The following PTBP2 variants were observed in gnomAD, a reference collection of about 807,000 sequenced individuals.
The protein encoded by PTBP2 is polypyrimidine tract-binding protein 2.
Under a neutral mutation model 61.4 loss-of-function variants are expected in PTBP2, and 13 were observed. That is an observed-to-expected ratio of 0.21 (90% CI 0.14 to 0.34). PTBP2 has a LOEUF of 0.34. Among genes scored for constraint, PTBP2 ranks in the 10% least tolerant of loss-of-function variants. PTBP2 has a pLI of 1.00. For synonymous variants in PTBP2, 215 were observed against 218.5 expected, an observed-to-expected ratio of 0.98 and a Z score of 0.14; for missense variants, 405 against 642.6, an observed-to-expected ratio of 0.63 and a Z score of 4.00.
intron 2 of PTBP2, among the ~76,000 whole-genome samples, chr1:96,744,859 C>A (rs1347664530): frequency 6.6e-6 from 1 of 152,030 alleles, no homozygotes; most frequent in Non-Finnish European, 1.5e-5. Flanking sequence ...TTATAACATG[C>A]CCGGTTTTAC....
exon 14 of PTBP2, chr1:96,823,628 A>T (rs1383692728): frequency 1.3e-5 from 2 of 152,198 alleles, no homozygotes; most frequent in Non-Finnish European, 2.9e-5. Flanking sequence ...ACCAACAAAG[A>T]AACAGATTAA....
chr1:96,779,519 C>T (rs1001294357), intron 7 of PTBP2, among the ~76,000 whole-genome samples: 13 of 151,924 alleles, frequency 8.6e-5, no homozygotes, highest in Non-Finnish European at 1.6e-4. Flanking sequence ...CATAAAAGTA[C>T]CTCAATTGTG....
chr1:96,780,394 A>C (rs1435012650), intron 7 of PTBP2, among the ~76,000 whole-genome samples: 3 of 151,832 alleles, frequency 2.0e-5, no homozygotes, highest in Admixed American at 6.6e-5. Flanking sequence ...AGACTTCTTA[A>C]ATAGTCTATC....
intron 3 of PTBP2, among the ~76,000 whole-genome samples, chr1:96,759,790 T>C (rs563520876): frequency 6.6e-6 from 1 of 152,262 alleles, no homozygotes; most frequent in South Asian, 2.1e-4. Flanking sequence ...CATATGACTG[T>C]ATTAGTCCAT....
chr1:96,787,523 T>TA (rs1040530943), intron 8 of PTBP2, among the ~76,000 whole-genome samples: 8 of 151,780 alleles, frequency 5.3e-5, no homozygotes, highest in Admixed American at 4.6e-4. Context: ...TTCTTTTTTT[T>TA]ATCTGTTTTA....
intron 3 of PTBP2, among the ~76,000 whole-genome samples, chr1:96,758,059 A>G (rs941057848): frequency 6.6e-6 from 1 of 152,110 alleles, no homozygotes; most frequent in Non-Finnish European, 1.5e-5. Flanking sequence ...TATGCAGAGT[A>G]TAATAGTATA....
intron 8 of PTBP2, among the ~76,000 whole-genome samples, chr1:96,796,923 CAG>C (rs1039941354): frequency 1.3e-5 from 2 of 151,992 alleles, no homozygotes; most frequent in Admixed American, 6.6e-5. Context: ...CAAAAAGAGA[CAG>C]AGGAAAGAAA....
chr1:96,742,417 CAG>C (rs1473569690), intron 2 of PTBP2, among the ~76,000 whole-genome samples: 3 of 152,114 alleles, frequency 2.0e-5, no homozygotes, highest in Non-Finnish European at 4.4e-5. Flanking sequence ...TCAAATTTCT[CAG>C]AATTGTATAG....
chr1:96,787,390 G>A (rs993417047), intron 8 of PTBP2, among the ~76,000 whole-genome samples: 1 of 152,078 alleles, frequency 6.6e-6, no homozygotes, highest in Non-Finnish European at 1.5e-5. Flanking sequence ...TGCTCGCTTT[G>A]CCAAAAAATT....
At chr1:96,815,228 AATAG>A (rs1662431380), downstream of PTBP2, 1 of 150,174 alleles carries the variant, frequency 6.7e-6, no homozygotes, top group Non-Finnish European at 1.5e-5. Context: ...TTTATGCACT[AATAG>A]ATCTTTTGGA....
At chr1:96,808,700 T>C (rs1468472671) in intron 11 of PTBP2, among the ~76,000 whole-genome samples, 1 of 152,170 alleles carries the variant, frequency 6.6e-6, no homozygotes, top group African/African-American at 2.4e-5. Context: ...TCTGTAGTGG[T>C]AAATAATTCA....
chr1:96,792,027 CGG>C (rs1263210164), intron 8 of PTBP2, among the ~76,000 whole-genome samples: 2 of 151,554 alleles, frequency 1.3e-5, no homozygotes, highest in Non-Finnish European at 2.9e-5. Context: ...TTAGTAGAGA[CGG>C]GGTTTTACTG....
At position 96,777,603 on chromosome 1, in the gene PTBP2, C is replaced by G. The variant is rs1658185194; in HGVS notation, c.451C>G (p.Gln151Glu). Residue 151 changes from glutamine to glutamate, a missense_variant, in exon 6 of 14, where the codon CAA (glutamine) becomes GAA (glutamate). Physicochemically the swap from Gln to Glu is conservative, Grantham distance 29. Around this residue, in one of 4 missense-constraint regions of PTBP2, gnomAD observed 342 missense variants for 491.2 expected, o/e 0.70. Coordinates refer to ENST00000674951, the MANE Select transcript of PTBP2 (RefSeq NM_021190.4). ...TLNQRAQAVL[Q>E]AVTAVQTANT... is the part of the protein sequence containing the mutation. The stretch of plus-strand genomic sequence containing the variant: ...TTTCCAGCGTGCTCAGGCAGTTCTT[C>G]AAGCTGTGACAGCTGTCCAGACAGC... 5 of 1,608,160 alleles carry G rather than the reference C, an allele frequency of 3.1e-6. No homozygotes were observed. Among genetic ancestry groups the G allele is most frequent in the Non-Finnish European group, 4.2e-6 (5 of 1,177,992 alleles).
At chr1:96,739,638 T>C (rs1391750446) in intron 2 of PTBP2, among the ~76,000 whole-genome samples, 3 of 145,844 alleles carry the variant, frequency 2.1e-5, no homozygotes, top group Non-Finnish European at 4.5e-5. Flanking sequence ...TTTTTTTTTT[T>C]TTTTTTGAGA....
chr1:96,736,871 C>T (rs938867237), intron 2 of PTBP2, among the ~76,000 whole-genome samples: 1 of 151,556 alleles, frequency 6.6e-6, no homozygotes, highest in Non-Finnish European at 1.5e-5. Flanking sequence ...GTAGAGACAG[C>T]GTCTCGCTGT....
At chr1:96,754,232 A>G (rs1022743217) in intron 3 of PTBP2, among the ~76,000 whole-genome samples, 1 of 152,190 alleles carries the variant, frequency 6.6e-6, no homozygotes, top group Non-Finnish European at 1.5e-5. Context: ...ACTGAATGGC[A>G]TAACTTGGCT....
chr1:96,778,133 G>A lies in PTBP2; in HGVS notation c.708+187G>A, dbSNP rs1018482274. Among the ~76,000 whole-genome samples the A allele has an allele frequency of 6.1e-5, 9 of 147,282 alleles. No individual in the cohort carries two copies. The East Asian group carries it at 8.0e-4, about 13-fold the overall frequency. ...ATTTATTTTTAGGAAAATCATAGTT[G>A]TAGTTAACCATGATGTGGGTTTCTA... On this transcript the variant is annotated intron_variant, in intron 7 of 13. Transcript: ENST00000674951.
At position 96,761,734 on chromosome 1, in the gene PTBP2, GTTTGTTT is replaced by G. The variant is rs1458806687; in HGVS notation, c.116-7958_116-7952del. Among the ~76,000 whole-genome samples the G allele has an allele frequency of 3.6e-5, 5 of 139,058 alleles. No individual in the cohort carries two copies. In the East Asian group the frequency reaches 5.8e-4, roughly 16 times the overall value. 91.2% of individuals were successfully genotyped at this position (139,058 alleles called of 152,430 possible). On this transcript the variant is annotated intron_variant, in intron 3 of 13. Transcript: ENST00000674951. The stretch of plus-strand genomic sequence containing the variant: ...ATCCGCTACTGTTCTGTTTTTTTTT[GTTTGTTT>G]TTTGTTTTTTATTTTTTATTGATCA...
chr1:96,744,869 C>T (rs573799423), intron 2 of PTBP2, among the ~76,000 whole-genome samples: 2 of 152,228 alleles, frequency 1.3e-5, no homozygotes, highest in East Asian at 3.9e-4. Context: ...CCCGGTTTTA[C>T]TTAAATGTCT....
Sources: gnomAD v4.1 joint callset for allele counts (sites outside exome capture counted in the v4.1 genomes callset) on GRCh38, gnomAD v4.1.1 for gene constraint, gnomAD v4.1.1 regional missense constraint, MANE v1.5 for transcripts, NCBI Gene and HGNC (gene_info 2026-07-23, HGNC 2026-07-21) for gene names.